Variants in CC2D2A observed in about 807,000 individuals in gnomAD.
CC2D2A encodes the protein coiled-coil and C2 domain-containing protein 2A.
A neutral mutation model predicts 212.9 loss-of-function variants in CC2D2A; 155 were observed. The observed-to-expected ratio is 0.73, with a 90% confidence interval of 0.64 to 0.83. CC2D2A has a LOEUF of 0.83. Ranked by LOEUF, CC2D2A falls within the 40% of genes least tolerant of loss-of-function variation. The pLI, the probability that CC2D2A is intolerant of heterozygous loss-of-function variation, is 0.00. For missense variants in CC2D2A, 1,856 were observed against 1,956.2 expected, an observed-to-expected ratio of 0.95 and a Z score of 0.97; for synonymous variants, 667 against 686.5, an observed-to-expected ratio of 0.97 and a Z score of 0.44.
intron 16 of CC2D2A, 73 bp downstream of exon 16, chr4:15,538,210 C>G: frequency 4.2e-6 from 6 of 1,413,342 alleles, no homozygotes; most frequent in Non-Finnish European, 5.6e-6. Context: ...TGCACACACA[C>G]ATGCACGACA....
At chr4:15,568,431 G>C (rs1466421018) in intron 26 of CC2D2A, among the ~76,000 whole-genome samples, 2 of 152,218 alleles carry the variant, frequency 1.3e-5, no homozygotes, top group Non-Finnish European at 2.9e-5. Context: ...GGGAGGCCAA[G>C]GCGGGCAGAT....
rs139769628 is a variant in CC2D2A, at chr4:15,595,607, G to T, written c.4315-478G>T. On this transcript the variant is annotated intron_variant, in intron 33 of 36. Coordinates refer to ENST00000424120, the MANE Select transcript of CC2D2A (RefSeq NM_001378615.1). The stretch of plus-strand genomic sequence containing the variant: ...ATCCAAGGTCACACAAATAGTAAAT[G>T]TTGGAGCCAAAATTAAAACACAAGT... Among the ~76,000 whole-genome samples, 801 of 152,296 alleles carry T rather than the reference G, an allele frequency of 5.3e-3. 7 individuals carry two copies. The highest frequency in any genetic ancestry group is 0.018 in the African/African-American group (758 of 41,550).
intron 13 of CC2D2A, among the ~76,000 whole-genome samples, chr4:15,532,093 T>C (rs1409344346): frequency 6.6e-6 from 1 of 152,182 alleles, no homozygotes; most frequent in Non-Finnish European, 1.5e-5. Context: ...AGCTAGTAAA[T>C]AGTAGAGCCA....
intron 4 of CC2D2A, among the ~76,000 whole-genome samples, chr4:15,495,093 C>G (rs6835038): frequency 0.13 from 19,171 of 152,052 alleles, 1,322 homozygotes; most frequent in African/African-American, 0.18. Flanking sequence ...CCTCAAATAC[C>G]CAATGTCTGT....
At chr4:15,529,795 A>T (rs1026087559) in intron 13 of CC2D2A, among the ~76,000 whole-genome samples, 2 of 149,598 alleles carry the variant, frequency 1.3e-5, no homozygotes, top group African/African-American at 4.9e-5. Flanking sequence ...AATCCTTAGA[A>T]CAGGAAATAA....
intron 17 of CC2D2A, 138 bp from the exon 18 acceptor site, chr4:15,550,686 C>T (rs1718950092): frequency 7.5e-6 from 4 of 529,936 alleles, no homozygotes; most frequent in African/African-American, 1.9e-5. Flanking sequence ...AGTAACACAA[C>T]TCAACTTTCC....
At chr4:15,482,057 G>A (rs1714703906) in intron 4 of CC2D2A, 5 of 985,398 alleles carry the variant, frequency 5.1e-6, no homozygotes, top group Non-Finnish European at 6.0e-6. Context: ...AAGTGGATTA[G>A]ACAAGAGGAG....
chr4:15,479,369 A>G, intron 3 of CC2D2A: 1 of 1,438,586 alleles, frequency 7.0e-7, no homozygotes, highest in Non-Finnish European at 9.5e-7. Flanking sequence ...GAAGGGAGGC[A>G]GGGAAGCAGC....
At position 15,500,117 on chromosome 4, in the gene CC2D2A, A is replaced by G. The variant is rs76464857; in HGVS notation, c.248-2312A>G. Among the ~76,000 whole-genome samples the G allele has an allele frequency of 6.2e-3, 905 of 145,646 alleles. 12 individuals are homozygous for G. Among genetic ancestry groups the G allele is most frequent in the East Asian group, 0.023 (113 of 4,972 alleles). On this transcript the variant is annotated intron_variant, in intron 4 of 36. Coordinates refer to ENST00000424120, the MANE Select transcript of CC2D2A (RefSeq NM_001378615.1). The stretch of plus-strand genomic sequence containing the variant: ...TGTGTGTGTGTGTGTGTATATATAT[A>G]TATATATATATATATGTATTTTTTA...
chr4:15,538,976 A>T (rs1346133267), intron 16 of CC2D2A, among the ~76,000 whole-genome samples: 1 of 152,064 alleles, frequency 6.6e-6, no homozygotes, highest in Non-Finnish European at 1.5e-5. Context: ...AGGCAGGAGG[A>T]TCGCTTGAGG....
chr4:15,529,904 T>G, intron 13 of CC2D2A, among the ~76,000 whole-genome samples: 1 of 150,312 alleles, frequency 6.7e-6, no homozygotes, highest in African/African-American at 2.4e-5. Flanking sequence ...TTTTTTTAAT[T>G]TTATTATTAT....
In CC2D2A at chr4:15,596,115, C is replaced by G. The variant is rs375410796; in HGVS notation, c.4345C>G (p.Pro1449Ala). Residue 1449 changes from proline to alanine, a missense_variant, in exon 34 of 37, where the codon CCA (proline) becomes GCA (alanine). Pro to Ala is a conservative substitution (Grantham distance 27). This residue lies in a region of CC2D2A where 285 missense variants were observed against 278.4 expected (regional missense o/e 1.02). Coordinates refer to ENST00000424120, the MANE Select transcript of CC2D2A (RefSeq NM_001378615.1). ...GTTTAATATTCAACGATATGAATCT[C>G]CACTAAGGATAAATTTTGATGTCAC... is the stretch of plus-strand genomic sequence containing the variant. ...IWFNIQRYES[P>A]LRINFDVTRP... 7.1e-6 allele frequency: 11 copies of G among 1,549,108 alleles called. No individual in the cohort carries two copies. In the African/African-American group the frequency reaches 1.5e-4, roughly 21 times the overall value.
chr4:15,511,313 C>A lies in CC2D2A; in HGVS notation c.607C>A (p.Pro203Thr). 2 of 1,599,280 alleles carry A rather than the reference C, an allele frequency of 1.3e-6. No individual in the cohort carries two copies. Among genetic ancestry groups the A allele is most frequent in the South Asian group, 2.3e-5 (2 of 87,880 alleles). ...CTTTACTTTCAACTTTGATCCCGAA[C>A]CAGAAGGATCAGAGGAAAAACCAAA... ...NFFTFNFDPE[P>T]EGSEEKPKAR... The change falls in exon 8 of 37, where the codon CCA becomes ACA. Residue 203 changes from proline (P) to threonine (T), a missense_variant. Coordinates refer to ENST00000424120, the MANE Select transcript of CC2D2A (RefSeq NM_001378615.1).
At chr4:15,500,996 C>T (rs529909240) in intron 4 of CC2D2A, among the ~76,000 whole-genome samples, 2 of 152,238 alleles carry the variant, frequency 1.3e-5, no homozygotes, top group African/African-American at 4.8e-5. Context: ...CAAATTCACT[C>T]CAACATCTCC....
chr4:15,579,969 T>C lies in CC2D2A; in HGVS notation c.3773T>C (p.Phe1258Ser), dbSNP rs1485903880. The C allele has an allele frequency of 2.6e-5, 42 of 1,612,036 alleles. No individual in the cohort carries two copies. The highest frequency in any genetic ancestry group is 1.1e-4 in the South Asian group (10 of 91,010). ...LVPGESIREK[F>S]ESQEDEKLLQ... ...TCCATGAAGTCTTTCTTTTTGAAGT[T>C]TGAGTCTCAGGAAGATGAGAAATTA... Residue 1258 changes from phenylalanine to serine, a missense_variant and splice_region_variant, in exon 30 of 37, where the codon TTT (phenylalanine) becomes TCT (serine). Around this residue, in one of 5 missense-constraint regions of CC2D2A, gnomAD observed 1,512 missense variants for 1,579.3 expected, o/e 0.96. Coordinates refer to ENST00000424120, the MANE Select transcript of CC2D2A (RefSeq NM_001378615.1).
intron 3 of CC2D2A, chr4:15,479,149 G>A (rs1714448037): frequency 9.7e-7 from 1 of 1,035,620 alleles, no homozygotes; most frequent in Admixed American, 2.0e-5. Flanking sequence ...GCAGTAGATG[G>A]CAGTACACGA....
At chr4:15,601,165 T>C (rs1230119262) in intron 36 of CC2D2A, 72 bp from the exon 37 acceptor site, 9 of 1,225,076 alleles carry the variant, frequency 7.3e-6, no homozygotes, top group Middle Eastern at 2.2e-4. Context: ...CTTAATTGCA[T>C]ACATTTACGT....
intron 4 of CC2D2A, among the ~76,000 whole-genome samples, chr4:15,494,163 C>T (rs1715476361): frequency 6.6e-6 from 1 of 152,150 alleles, no homozygotes; most frequent in Non-Finnish European, 1.5e-5. Context: ...TGTTTGGAGC[C>T]TCATGCCCTG....
chr4:15,589,442 A>C (rs1195858511), intron 32 of CC2D2A, 103 bp from the exon 33 acceptor site: 2 of 995,758 alleles, frequency 2.0e-6, no homozygotes, highest in Non-Finnish European at 2.9e-6. Flanking sequence ...GAAATTTCAG[A>C]AATTAAGGGT....
Sources: gnomAD v4.1 joint callset for allele counts (sites outside exome capture counted in the v4.1 genomes callset) on GRCh38, gnomAD v4.1.1 for gene constraint, gnomAD v4.1.1 regional missense constraint, MANE v1.5 for transcripts, NCBI Gene and HGNC (gene_info 2026-07-23, HGNC 2026-07-21) for gene names.